Variants in LRRC4B observed in about 807,000 individuals in gnomAD.
The protein encoded by LRRC4B is leucine-rich repeat-containing protein 4B.
A neutral mutation model predicts 7.3 loss-of-function variants in LRRC4B; 1 was observed. The observed-to-expected ratio is 0.14, with a 90% CI of 0.05 to 0.65. LRRC4B has a LOEUF of 0.65. Among genes scored for constraint, LRRC4B ranks in the 30% least tolerant of loss-of-function variants. LRRC4B has a pLI of 0.84. For synonymous variants in LRRC4B, 500 were observed against 499.2 expected (o/e 1.00, Z -0.02); for missense variants, 730 against 1,041.6 (o/e 0.70, Z 4.12).
chr19:50,520,948 A>G (rs962387508), intron 2 of LRRC4B, among the ~76,000 whole-genome samples: 1 of 152,164 alleles, frequency 6.6e-6, no homozygotes, highest in South Asian at 2.1e-4. Context: ...GTGGGTGTTC[A>G]CAGCATTTTT....
At chr19:50,552,683 T>TCCGC (rs1982134880) in intron 1 of LRRC4B, among the ~76,000 whole-genome samples, 1 of 121,354 alleles carries the variant, frequency 8.2e-6, no homozygotes, top group African/African-American at 3.6e-5. Flanking sequence ...CATCCATCCA[T>TCCGC]CCATCCGTCC....
chr19:50,543,579 C>T (rs796200843), intron 2 of LRRC4B, among the ~76,000 whole-genome samples: 54 of 152,080 alleles, frequency 3.6e-4, no homozygotes, highest in African/African-American at 1.2e-3. Flanking sequence ...AGGCCGGGCG[C>T]GGTGGCTCAC....
chr19:50,531,543 A>G (rs922991176), intron 2 of LRRC4B, among the ~76,000 whole-genome samples: 3 of 152,206 alleles, frequency 2.0e-5, no homozygotes, highest in African/African-American at 7.2e-5. Flanking sequence ...ACTGAGTGGA[A>G]TGGGGGTGTT....
Position 50,567,927 on chromosome 19 carries a change from C to T in LRRC4B, c.-36+17G>A, listed in dbSNP as rs1238071536. 6.8e-6 allele frequency: 1 copy of T among 146,506 alleles called. No homozygotes were observed. Among genetic ancestry groups the T allele is most frequent in the Non-Finnish European group, 1.5e-5 (1 of 65,960 alleles). The allele number at this position is 146,506 out of a possible 1,614,324, so 9.1% of individuals were successfully genotyped here. On this transcript the variant is annotated intron_variant, in intron 1 of 2. Transcript: ENST00000652263. ...CCGGCCCCCGCCCCCGACCCGTGCCCCTTGGCGGCTACTCACAGCGAGGAG... is the reference window on the plus strand; with the variant it reads ...CCGGCCCCCGCCCCCGACCCGTGCCTCTTGGCGGCTACTCACAGCGAGGAG...
At chr19:50,545,104 C>G (rs1207418603) in intron 2 of LRRC4B, among the ~76,000 whole-genome samples, 4 of 148,762 alleles carry the variant, frequency 2.7e-5, no homozygotes, top group Admixed American at 1.3e-4. Flanking sequence ...AGAGCGAAGA[C>G]TCCATCTCAA....
At position 50,548,865 on chromosome 19, in the gene LRRC4B, G is replaced by A. The variant is rs780043494; in HGVS notation, c.-27C>T. ...CTCAATGTTCATGCTCCGCGTGGAC[G>A]CTGGGGGGCTGTGGGTGGGGGAGAG... is the stretch of plus-strand genomic sequence containing the variant. On this transcript the variant is annotated 5_prime_UTR_variant, in exon 2 of 3. Coordinates refer to ENST00000652263, the MANE Select transcript of LRRC4B (RefSeq NM_001080457.2). The surrounding 1 kb of genome is among the most constrained non-coding windows in gnomAD (Gnocchi z 6.8). 9.6e-5 allele frequency: 136 copies of A among 1,417,958 alleles called. No homozygotes were observed. Among genetic ancestry groups the A allele is most frequent in the Non-Finnish European group, 1.2e-4 (130 of 1,084,316 alleles). The allele number at this position is 1,417,958 out of a possible 1,614,324, so 87.8% of individuals were successfully genotyped here.
chr19:50,527,676 TC>T (rs1980873248), intron 2 of LRRC4B, among the ~76,000 whole-genome samples: 2 of 152,088 alleles, frequency 1.3e-5, no homozygotes, highest in South Asian at 4.1e-4. Context: ...GGGTGATCTT[TC>T]CTTTTCTTTC....
intron 2 of LRRC4B, among the ~76,000 whole-genome samples, chr19:50,538,524 C>T (rs73062463): frequency 0.079 from 11,740 of 149,102 alleles, 557 homozygotes; most frequent in Middle Eastern, 0.12. Context: ...GCACTATGGC[C>T]GGGGTTTTTA....
intron 2 of LRRC4B, among the ~76,000 whole-genome samples, chr19:50,540,647 C>A (rs568203046): frequency 6.6e-6 from 1 of 151,884 alleles, no homozygotes; most frequent in Non-Finnish European, 1.5e-5. Context: ...TGAGGCACCA[C>A]GCTCGGCCAG....
chr19:50,517,255 C>CAGCTCGTCCTCCACGTTGATGAT lies in LRRC4B; in HGVS notation c.*315_*316insATCATCAACGTGGAGGACGAGCT. ...CCTCTCTCCCCTGGAAGGCGGCGGG[C>CAGCTCGTCCTCCACGTTGATGAT]CCGGAACGCTTGGTGGGAGAGCGAG... is the stretch of plus-strand genomic sequence containing the variant. On this transcript the variant is annotated 3_prime_UTR_variant, in exon 3 of 3. Coordinates refer to ENST00000652263, the MANE Select transcript of LRRC4B (RefSeq NM_001080457.2). The surrounding 1 kb of genome is among the most constrained non-coding windows in gnomAD (Gnocchi z 6.6). 2 of 248,818 alleles carry CAGCTCGTCCTCCACGTTGATGAT rather than the reference C, an allele frequency of 8.0e-6. No individual in the cohort carries two copies. The highest frequency in any genetic ancestry group is 1.5e-5 in the Non-Finnish European group (2 of 130,180). The allele number at this position is 248,818 out of a possible 1,614,324, so 15.4% of individuals were successfully genotyped here.
chr19:50,561,997 A>G (rs868441070), intron 1 of LRRC4B, among the ~76,000 whole-genome samples: 5 of 151,814 alleles, frequency 3.3e-5, no homozygotes, highest in Non-Finnish European at 5.9e-5. Context: ...GCGTGCCTGT[A>G]GTCTCAGCTA....
At chr19:50,520,616 T>C (rs1408373930) in intron 2 of LRRC4B, among the ~76,000 whole-genome samples, 2 of 136,798 alleles carry the variant, frequency 1.5e-5, no homozygotes, top group African/African-American at 2.8e-5. Context: ...GGTGACAGAG[T>C]GAGACTCCGT....
In LRRC4B at chr19:50,517,840, G is replaced by A; in HGVS notation, c.1873C>T (p.Pro625Ser). ...VEIINVEDEL[P>S]AASAVSVAAA... ...GCCACGGACACGGCCGAGGCGGCGG[G>A]CAGCTCGTCCTCCACGTTGATGATC... Residue 625 changes from proline to serine, a missense_variant, in exon 3 of 3, where the codon CCC becomes TCC. Pro to Ser is a moderately conservative substitution (Grantham distance 74). This residue lies in a region of LRRC4B where 160 missense variants were observed against 163.9 expected (regional missense o/e 0.98). Coordinates refer to ENST00000652263, the MANE Select transcript of LRRC4B (RefSeq NM_001080457.2). This position sits in a 1 kb window ranked among gnomAD's most constrained non-coding sequence, Gnocchi z 6.6. 6.3e-7 allele frequency: 1 copy of A among 1,580,360 alleles called. No homozygotes were observed. Among genetic ancestry groups the A allele is most frequent in the Admixed American group, 1.9e-5 (1 of 53,524 alleles).
At position 50,517,995 on chromosome 19, in the gene LRRC4B, T is replaced by C. The variant is rs1251690855; in HGVS notation, c.1718A>G (p.Lys573Arg). Reference protein sequence around the residue: ...NALKDLDDVMKTTKIIIGCFV... With the variant: ...NALKDLDDVMRTTKIIIGCFV... ...GCAGCCGATGATGATTTTGGTGGTC[T>C]TCATGACGTCGTCCAGGTCCTTGAG... The change falls in exon 3 of 3, where the codon AAG becomes AGG. Residue 573 changes from lysine (K) to arginine (R), a missense_variant. Physicochemically the swap from Lys to Arg is conservative, Grantham distance 26. This residue lies in a region of LRRC4B where 192 missense variants were observed against 228.6 expected (regional missense o/e 0.84). Coordinates refer to ENST00000652263, the MANE Select transcript of LRRC4B (RefSeq NM_001080457.2). The surrounding 1 kb of genome is among the most constrained non-coding windows in gnomAD (Gnocchi z 6.6). The C allele has an allele frequency of 6.5e-7, 1 of 1,541,262 alleles. No individual in the cohort carries two copies. The highest frequency in any genetic ancestry group is 1.3e-5 in the South Asian group (1 of 79,376).
At chr19:50,552,677 C>CATCA (rs1982133024) in intron 1 of LRRC4B, among the ~76,000 whole-genome samples, 1 of 142,958 alleles carries the variant, frequency 7.0e-6, no homozygotes, top group African/African-American at 2.7e-5. Context: ...TCCATCCATC[C>CATCA]ATCCATCCAT....
intron 2 of LRRC4B, among the ~76,000 whole-genome samples, chr19:50,531,786 A>C (rs577977572): frequency 2.0e-5 from 3 of 152,300 alleles, no homozygotes; most frequent in African/African-American, 7.2e-5. Context: ...CTCTGAGCCC[A>C]CTTTCCTCCC....
chr19:50,526,186 C>G (rs924606898), intron 2 of LRRC4B, among the ~76,000 whole-genome samples: 2 of 152,148 alleles, frequency 1.3e-5, no homozygotes, highest in Non-Finnish European at 2.9e-5. Flanking sequence ...CCATAAGACA[C>G]AGTCTCTGCC....
intron 2 of LRRC4B, among the ~76,000 whole-genome samples, chr19:50,533,214 C>A (rs577554756): frequency 6.6e-6 from 1 of 152,188 alleles, no homozygotes; most frequent in South Asian, 2.1e-4. Context: ...TTATTTTGTG[C>A]TTTTTAATTG....
rs574079901 is a variant in LRRC4B at position 50,563,027 on chromosome 19, T to C, written c.-36+4917A>G. On this transcript the variant is annotated intron_variant, in intron 1 of 2. Transcript: ENST00000652263. The surrounding 1 kb of genome is among the most constrained non-coding windows in gnomAD (Gnocchi z 4.9). ...AGTGTTGAGACGGCGTGAGCCACCA[T>C]GCCTGGCCTGTCTCTGTCTAGGTCT... Among the ~76,000 whole-genome samples the C allele has an allele frequency of 1.3e-5, 2 of 152,232 alleles. No homozygotes were observed. Among genetic ancestry groups the C allele is most frequent in the Non-Finnish European group, 2.9e-5 (2 of 68,008 alleles).
Sources: gnomAD v4.1 joint callset for allele counts (sites outside exome capture counted in the v4.1 genomes callset) on GRCh38, gnomAD v4.1.1 for gene constraint, gnomAD v4.1.1 regional missense constraint, Gnocchi (gnomAD v3.1) non-coding constraint, MANE v1.5 for transcripts, NCBI Gene and HGNC (gene_info 2026-07-23, HGNC 2026-07-21) for gene names.